Variants in SLC9C1 observed in about 807,000 individuals in gnomAD.
SLC9C1 encodes solute carrier family 9 member C1, also known as sodium/hydrogen exchanger 10.
SLC9C1 carries 97 observed loss-of-function variants against 140.9 expected under a neutral mutation model. The observed-to-expected ratio is 0.69, with a 90% CI of 0.58 to 0.82. The LOEUF (loss-of-function observed/expected upper bound fraction) is 0.82, where lower values mean the gene tolerates loss of function less well. SLC9C1 is among the 40% of genes least tolerant of loss of function. The probability of loss-of-function intolerance (pLI) is 0.00; values close to 1 mark genes in which losing one functional copy is unlikely to be tolerated. For missense variants in SLC9C1, 1,340 were observed against 1,389.3 expected (o/e 0.96, Z 0.56); for synonymous variants, 440 against 442.6 (o/e 0.99, Z 0.07).
At chr3:112,165,454 G>T (rs947170610) in intron 26 of SLC9C1, among the ~76,000 whole-genome samples, 2 of 152,110 alleles carry the variant, frequency 1.3e-5, no homozygotes, top group Non-Finnish European at 2.9e-5. Context: ...TTTTGGTGTG[G>T]ATGTCCTTTG....
chr3:112,202,210 G>A, intron 18 of SLC9C1, 40 bp downstream of exon 18: 2 of 1,604,308 alleles, frequency 1.2e-6, no homozygotes, highest in Non-Finnish European at 1.7e-6. Context: ...GCAACTGAGG[G>A]CTGAGTGAAC....
chr3:112,173,787 T>G (rs1029882567), intron 23 of SLC9C1, among the ~76,000 whole-genome samples: 2 of 152,240 alleles, frequency 1.3e-5, no homozygotes, highest in Non-Finnish European at 2.9e-5. Context: ...TGTTCCTTTC[T>G]GTATATACCC....
At chr3:112,234,729 T>C (rs1465036793) in intron 12 of SLC9C1, among the ~76,000 whole-genome samples, 1 of 152,238 alleles carries the variant, frequency 6.6e-6, no homozygotes, top group African/African-American at 2.4e-5. Context: ...GTTTGTTAAA[T>C]AGGGAATCCT....
chr3:112,183,530 C>T (rs930339671), intron 20 of SLC9C1, among the ~76,000 whole-genome samples: 1 of 151,000 alleles, frequency 6.6e-6, no homozygotes, highest in African/African-American at 2.4e-5. Context: ...AGGGCCAGTG[C>T]TCAGCCGTCT....
chr3:112,155,102 A>AATAGAAATAGTCAC, intron 26 of SLC9C1, 53 bp from the exon 27 acceptor site: 2 of 1,469,104 alleles, frequency 1.4e-6, no homozygotes, highest in Non-Finnish European at 1.9e-6. Flanking sequence ...GCAAGTGACT[A>AATAGAAATAGTCAC]TTTCTATTAG....
In SLC9C1 at chr3:112,277,813, A is replaced by C. The variant is rs1396504839; in HGVS notation, c.366T>G (p.Val122=). 1.2e-6 allele frequency: 2 copies of C among 1,610,052 alleles called. No individual in the cohort carries two copies. The highest frequency in any genetic ancestry group is 1.7e-6 in the Non-Finnish European group (2 of 1,178,616). ...IPGFLVNYIL[V]LWHLASVNQL... is the part of the protein sequence containing the mutation. ...GATTTACAGATGCCAGATGCCAAAG[A>C]ACTAAGATATAATTAACCAAAAAGC... The change falls in exon 5 of 29, where the codon GTT becomes GTG. Residue 122 remains valine, a synonymous_variant. Transcript: ENST00000305815.
At chr3:112,187,136 C>CCAG (rs1480436580) in intron 20 of SLC9C1, among the ~76,000 whole-genome samples, 1 of 152,150 alleles carries the variant, frequency 6.6e-6, no homozygotes, top group African/African-American at 2.4e-5. Context: ...ATTAACATCT[C>CCAG]CAGACTTACT....
intron 23 of SLC9C1, among the ~76,000 whole-genome samples, chr3:112,178,462 GA>G (rs1264734891): frequency 6.6e-6 from 1 of 152,118 alleles, no homozygotes; most frequent in Non-Finnish European, 1.5e-5. Flanking sequence ...ATTTGTTAAA[GA>G]AATCAGGTTA....
At chr3:112,182,003 G>T in intron 21 of SLC9C1, 130 bp downstream of exon 21, 1 of 833,492 alleles carries the variant, frequency 1.2e-6, no homozygotes, top group Non-Finnish European at 1.7e-6. Flanking sequence ...AAAGGATTTT[G>T]ATTTTATCCT....
At chr3:112,242,865 C>G (rs1302375510) in intron 11 of SLC9C1, among the ~76,000 whole-genome samples, 3 of 152,024 alleles carry the variant, frequency 2.0e-5, no homozygotes, top group East Asian at 1.9e-4. Flanking sequence ...AGAACATGAA[C>G]AGACACTTCT....
At chr3:112,185,915 C>T (rs1487861426) in intron 20 of SLC9C1, 4 of 1,577,046 alleles carry the variant, frequency 2.5e-6, no homozygotes, top group Non-Finnish European at 2.6e-6. Context: ...CGTACCGCCC[C>T]GCCGGGAAAT....
At chr3:112,159,166 T>C (rs1359500264) in intron 26 of SLC9C1, among the ~76,000 whole-genome samples, 1 of 151,902 alleles carries the variant, frequency 6.6e-6, no homozygotes, top group African/African-American at 2.4e-5. Context: ...TTGGTTTTGC[T>C]ATATCTCATA....
intron 1 of SLC9C1, among the ~76,000 whole-genome samples, chr3:112,289,013 C>A (rs999845785): frequency 2.0e-5 from 3 of 152,128 alleles, no homozygotes; most frequent in African/African-American, 7.2e-5. Flanking sequence ...GTCTGGTTTG[C>A]AGCCTGGGCT....
chr3:112,177,602 G>GT (rs1434955322), intron 23 of SLC9C1, among the ~76,000 whole-genome samples: 1 of 149,370 alleles, frequency 6.7e-6, no homozygotes, highest in African/African-American at 2.5e-5. Context: ...CGGGGTGAAT[G>GT]TAGGGCTTAC....
At chr3:112,209,269 C>T (rs6805505) in intron 15 of SLC9C1, among the ~76,000 whole-genome samples, 114,777 of 151,986 alleles carry the variant, frequency 0.76, 43,745 homozygotes, top group East Asian at 0.99. Context: ...GCTCACATTG[C>T]CAGGGCCCTC....
chr3:112,273,251 C>T (rs1436751417), intron 6 of SLC9C1, among the ~76,000 whole-genome samples: 1 of 151,912 alleles, frequency 6.6e-6, no homozygotes, highest in Non-Finnish European at 1.5e-5. Context: ...ATGGTGAGCG[C>T]TCTCTGAGTG....
At chr3:112,246,763 G>A (rs1202857926) in intron 10 of SLC9C1, among the ~76,000 whole-genome samples, 4 of 152,162 alleles carry the variant, frequency 2.6e-5, no homozygotes, top group Non-Finnish European at 5.9e-5. Flanking sequence ...TGTGCTAAGA[G>A]TTTAAAGATA....
chr3:112,198,268 T>C (rs1417601190), intron 20 of SLC9C1, among the ~76,000 whole-genome samples: 1 of 151,880 alleles, frequency 6.6e-6, no homozygotes, highest in Non-Finnish European at 1.5e-5. Context: ...TGGAGAAGAA[T>C]TTTATATATT....
At chr3:112,207,635 T>A (rs2078091383) in intron 16 of SLC9C1, among the ~76,000 whole-genome samples, 1 of 152,186 alleles carries the variant, frequency 6.6e-6, no homozygotes, top group African/African-American at 2.4e-5. Flanking sequence ...TTTCTATGTT[T>A]TCCCTTGTTC....
Sources: allele counts gnomAD v4.1 joint callset (sites outside exome capture counted in the v4.1 genomes callset), GRCh38; gene constraint gnomAD v4.1.1; transcripts MANE v1.5; gene names NCBI Gene and HGNC (gene_info 2026-07-23, HGNC 2026-07-21).